GRIK2: variants seen among roughly 807,000 people sequenced by gnomAD.
GRIK2 encodes the protein glutamate receptor ionotropic, kainate 2.
Under a neutral mutation model 100.3 loss-of-function variants are expected in GRIK2, and 32 were observed. That is an observed-to-expected ratio of 0.32 (90% CI 0.24 to 0.43). The LOEUF (loss-of-function observed/expected upper bound fraction) is 0.43. Among genes scored for constraint, GRIK2 ranks in the 20% least tolerant of loss-of-function variants. The probability of loss-of-function intolerance (pLI) is 1.00; values close to 1 mark genes in which losing one functional copy is unlikely to be tolerated. For synonymous variants in GRIK2, 417 were observed against 389.4 expected, an observed-to-expected ratio of 1.07 and a Z score of -0.83; for missense variants, 843 against 1,114.9, an observed-to-expected ratio of 0.76 and a Z score of 3.47.
intron 14 of GRIK2, among the ~76,000 whole-genome samples, chr6:101,979,627 G>T (rs961867745): frequency 2.6e-5 from 4 of 151,964 alleles, no homozygotes; most frequent in South Asian, 2.1e-4. Flanking sequence ...TTGGATTGCT[G>T]TGGGAGGAAT....
rs147619278 is a variant in GRIK2 at position 101,701,781 on chromosome 6, ATAT to A, written c.951+15432_951+15434del. ...AATTTGAACATTTACTATTACATAG[ATAT>A]TATGTACTGTAGCAAATTTGTAAGC... is the stretch of plus-strand genomic sequence containing the variant. On this transcript the variant is annotated intron_variant, in intron 7 of 16. Coordinates refer to ENST00000369134, the MANE Select transcript of GRIK2 (RefSeq NM_021956.5). 7.0e-3 allele frequency among the ~76,000 whole-genome samples: 1,071 copies of A among 152,230 alleles called. 11 individuals carry two copies. Among genetic ancestry groups the A allele is most frequent in the African/African-American group, 0.024 (983 of 41,564 alleles).
intron 14 of GRIK2, among the ~76,000 whole-genome samples, chr6:101,985,684 A>C (rs1402594359): frequency 6.6e-6 from 1 of 151,806 alleles, no homozygotes; most frequent in Non-Finnish European, 1.5e-5. Context: ...GGTGGGATAA[A>C]ATGTGAAGGT....
chr6:101,424,252 T>C (rs1197779319), intron 2 of GRIK2, among the ~76,000 whole-genome samples: 2 of 152,056 alleles, frequency 1.3e-5, no homozygotes. Context: ...ATGTGCCATG[T>C]TGGTGTGCTG....
intron 2 of GRIK2, among the ~76,000 whole-genome samples, chr6:101,541,782 T>A (rs117918892): frequency 0.01 from 1,569 of 152,136 alleles, 17 homozygotes; most frequent in Non-Finnish European, 0.018. Context: ...TTAAAACACA[T>A]GCCAGCCACT....
intron 2 of GRIK2, among the ~76,000 whole-genome samples, chr6:101,549,795 T>C (rs1049603368): frequency 2.0e-5 from 3 of 152,176 alleles, no homozygotes; most frequent in Admixed American, 6.5e-5. Context: ...GTGTCTTGAG[T>C]GCTTTACATA....
At chr6:101,423,725 T>C (rs908256077) in intron 2 of GRIK2, among the ~76,000 whole-genome samples, 12 of 152,086 alleles carry the variant, frequency 7.9e-5, no homozygotes, top group East Asian at 1.9e-4. Flanking sequence ...AACTACCTTA[T>C]AATCAGTCAA....
At chr6:101,635,833 T>C (rs1780979183) in intron 4 of GRIK2, among the ~76,000 whole-genome samples, 1 of 152,056 alleles carries the variant, frequency 6.6e-6, no homozygotes, top group South Asian at 2.1e-4. Flanking sequence ...ATAGCAATCA[T>C]TAAAAAGTCA....
intron 2 of GRIK2, among the ~76,000 whole-genome samples, chr6:101,406,387 G>A (rs1305546631): frequency 6.6e-6 from 1 of 152,108 alleles, no homozygotes; most frequent in African/African-American, 2.4e-5. Context: ...GGATTTAGTA[G>A]AAAGGTCACT....
At chr6:101,649,407 G>C (rs1413340760) in intron 4 of GRIK2, among the ~76,000 whole-genome samples, 1 of 152,044 alleles carries the variant, frequency 6.6e-6, no homozygotes, top group Non-Finnish European at 1.5e-5. Context: ...TTAAGTCCAT[G>C]CTTTTGTCAT....
intron 4 of GRIK2, among the ~76,000 whole-genome samples, chr6:101,666,207 G>C (rs1770017871): frequency 6.6e-6 from 1 of 152,146 alleles, no homozygotes; most frequent in South Asian, 2.1e-4. Context: ...GGTTAAAATT[G>C]GCCAACGGAA....
intron 7 of GRIK2, among the ~76,000 whole-genome samples, chr6:101,742,466 A>C (rs190187875): frequency 6.6e-6 from 1 of 152,200 alleles, no homozygotes; most frequent in African/African-American, 2.4e-5. Context: ...ACTGTGGCCC[A>C]TGACACAGCC....
intron 12 of GRIK2, among the ~76,000 whole-genome samples, chr6:101,892,818 C>A (rs534614763): frequency 3.8e-4 from 58 of 151,248 alleles, no homozygotes; most frequent in Non-Finnish European, 7.8e-4. Flanking sequence ...ATATTTTGTT[C>A]AATTTTCAAT....
chr6:102,028,557 G>T (rs1181518724), intron 14 of GRIK2, among the ~76,000 whole-genome samples: 1 of 151,060 alleles, frequency 6.6e-6, no homozygotes, highest in Non-Finnish European at 1.5e-5. Flanking sequence ...AAGTTTAGTG[G>T]GAAAATAAGA....
chr6:101,443,955 A>T (rs1237449726), intron 2 of GRIK2, among the ~76,000 whole-genome samples: 2 of 151,238 alleles, frequency 1.3e-5, no homozygotes, highest in African/African-American at 4.9e-5. Context: ...CCCAATTATG[A>T]CTCACTGTAG....
At chr6:101,591,744 A>T (rs1380722419) in intron 2 of GRIK2, among the ~76,000 whole-genome samples, 1 of 152,090 alleles carries the variant, frequency 6.6e-6, no homozygotes, top group Non-Finnish European at 1.5e-5. Context: ...AATAACAATT[A>T]ACCTTAATTG....
chr6:101,899,866 T>C (rs1259374656), intron 12 of GRIK2, among the ~76,000 whole-genome samples: 1 of 152,154 alleles, frequency 6.6e-6, no homozygotes, highest in Non-Finnish European at 1.5e-5. Context: ...GTTTCCCTGC[T>C]TCCCTTACTA....
intron 7 of GRIK2, among the ~76,000 whole-genome samples, chr6:101,687,788 G>A (rs971475292): frequency 2.0e-5 from 3 of 151,642 alleles, no homozygotes; most frequent in African/African-American, 4.8e-5. Flanking sequence ...AGAGATAGTT[G>A]AACAGTTCTA....
At chr6:101,850,268 T>G (rs1263604595) in intron 10 of GRIK2, among the ~76,000 whole-genome samples, 1 of 152,034 alleles carries the variant, frequency 6.6e-6, no homozygotes, top group Non-Finnish European at 1.5e-5. Context: ...CTATGTTGTT[T>G]TGATTTGTTT....
intron 11 of GRIK2, among the ~76,000 whole-genome samples, chr6:101,881,034 C>T (rs747148633): frequency 6.6e-6 from 1 of 151,788 alleles, no homozygotes; most frequent in Non-Finnish European, 1.5e-5. Flanking sequence ...TGTATTTGTA[C>T]TGAAGTCACT....
Sources: allele counts gnomAD v4.1 joint callset (sites outside exome capture counted in the v4.1 genomes callset), GRCh38; gene constraint gnomAD v4.1.1; transcripts MANE v1.5; gene names NCBI Gene and HGNC (gene_info 2026-07-23, HGNC 2026-07-21).